SLCO3A1: variants seen among roughly 807,000 people sequenced by gnomAD.
SLCO3A1 encodes the protein PGE1 transporter.
SLCO3A1 carries 27 observed loss-of-function variants against 63.1 expected under a neutral mutation model. The observed-to-expected ratio is 0.43, with a 90% confidence interval of 0.32 to 0.59. The LOEUF (loss-of-function observed/expected upper bound fraction) is 0.59. Ranked by LOEUF, SLCO3A1 falls within the 20% of genes least tolerant of loss-of-function variation. SLCO3A1 has a pLI of 0.09. For synonymous variants in SLCO3A1, 473 were observed against 409.9 expected (o/e 1.15, Z -1.86); for missense variants, 773 against 945.8 (o/e 0.82, Z 2.40).
At chr15:92,130,628 A>C (rs984397915) in intron 7 of SLCO3A1, among the ~76,000 whole-genome samples, 4 of 152,172 alleles carry the variant, frequency 2.6e-5, no homozygotes, top group African/African-American at 7.2e-5. Context: ...TTGCAGCAGC[A>C]GCAGCAGGCT....
At position 91,894,546 on chromosome 15, in the gene SLCO3A1, A is replaced by G. The variant is rs796371003; in HGVS notation, c.181-21447A>G. Among the ~76,000 whole-genome samples, 2 of 152,256 alleles carry G rather than the reference A, an allele frequency of 1.3e-5. No homozygotes were observed. Among genetic ancestry groups the G allele is most frequent in the African/African-American group, 4.8e-5 (2 of 41,544 alleles). On this transcript the variant is annotated intron_variant, in intron 1 of 9. Transcript: ENST00000318445. This position sits in a 1 kb window ranked among gnomAD's most constrained non-coding sequence, Gnocchi z 4.8. ...ATGGGTGGATTAGATGTCTGAAGGC[A>G]GCAGAGGCAATGGAGGAGGGTCCCC...
intron 9 of SLCO3A1, among the ~76,000 whole-genome samples, chr15:92,152,403 C>CTTGGTATA (rs1412978488): frequency 2.6e-5 from 4 of 152,212 alleles, no homozygotes; most frequent in Non-Finnish European, 5.9e-5. Flanking sequence ...ATCCATGTTC[C>CTTGGTATA]TTGGTATATA....
chr15:91,922,035 A>C (rs943550336), intron 2 of SLCO3A1, among the ~76,000 whole-genome samples: 1 of 152,112 alleles, frequency 6.6e-6, no homozygotes, highest in Non-Finnish European at 1.5e-5. Context: ...GCGCCCGGCC[A>C]AGATTTCTCC....
intron 7 of SLCO3A1, among the ~76,000 whole-genome samples, chr15:92,129,037 A>C (rs546513935): frequency 2.0e-5 from 3 of 152,292 alleles, no homozygotes; most frequent in Admixed American, 2.0e-4. Context: ...ATTGGCTGTC[A>C]GCCCACAGCT....
chr15:91,965,266 G>A (rs1192152380), intron 2 of SLCO3A1, among the ~76,000 whole-genome samples: 2 of 152,190 alleles, frequency 1.3e-5, no homozygotes, highest in Non-Finnish European at 2.9e-5. Context: ...GAAACCCAAA[G>A]CCAAGCCCTG....
chr15:92,136,507 C>G (rs2048059347), intron 7 of SLCO3A1, among the ~76,000 whole-genome samples: 1 of 152,148 alleles, frequency 6.6e-6, no homozygotes, highest in East Asian at 1.9e-4. Context: ...TTTGTGGTCT[C>G]TAGCCTTCTT....
In SLCO3A1 at chr15:91,889,045, A is replaced by AC. The variant is rs1416133262; in HGVS notation, c.181-26946dup. Reference sequence around the variant, plus strand: ...AGAAAAGAAAAACCAAAAAAAAAAAACCTACAATTATTACTAGCTAACATA... The same window carrying AC: ...AGAAAAGAAAAACCAAAAAAAAAAAACCCTACAATTATTACTAGCTAACATA... On this transcript the variant is annotated intron_variant, in intron 1 of 9. Coordinates refer to ENST00000318445, the MANE Select transcript of SLCO3A1 (RefSeq NM_013272.4). The AC allele has an allele frequency of 1.3e-4, 90 of 701,332 alleles. 1 individual carries two copies. In the African/African-American group the frequency reaches 1.7e-3, roughly 13 times the overall value. The allele number at this position is 701,332 out of a possible 1,614,324, so 43.4% of individuals were successfully genotyped here. A position where few individuals can be genotyped will look rare whatever the true frequency, so the allele number is the denominator to read the frequency against.
chr15:92,162,563 G>A (rs2151604697), intron 9 of SLCO3A1, 193 bp from the exon 10 acceptor site: 1 of 841,184 alleles, frequency 1.2e-6, no homozygotes, highest in African/African-American at 1.7e-5. Flanking sequence ...TAAATAACTT[G>A]CTCAGATTTG....
intron 2 of SLCO3A1, among the ~76,000 whole-genome samples, chr15:91,926,557 C>CTGTGTGTGTGTGTGTGTGTG (rs1567189095): frequency 2.9e-4 from 16 of 54,378 alleles, no homozygotes; most frequent in African/African-American, 1.5e-3. Flanking sequence ...TCCTGCCAAG[C>CTGTGTGTGTGTGTGTGTGTG]CGTGTGTGTG....
intron 2 of SLCO3A1, among the ~76,000 whole-genome samples, chr15:91,963,589 G>A (rs773613661): frequency 1.3e-5 from 2 of 152,260 alleles, no homozygotes; most frequent in East Asian, 3.9e-4. Flanking sequence ...TCCTTCTGGT[G>A]GGTTCTTGGT....
In SLCO3A1 at chr15:92,033,660, C is replaced by T. The variant is rs2046683846; in HGVS notation, c.647-61221C>T. On this transcript the variant is annotated intron_variant, in intron 2 of 9. Transcript: ENST00000318445. The surrounding 1 kb of genome is among the most constrained non-coding windows in gnomAD (Gnocchi z 4.5). ...CCCTTCCCACTCAGATCACATATTC[C>T]AGTGAGGGAGAGAGACAGTAAACAA... Among the ~76,000 whole-genome samples the T allele has an allele frequency of 1.3e-5, 2 of 152,166 alleles. No individual in the cohort carries two copies. The highest frequency in any genetic ancestry group is 1.3e-4 in the Admixed American group (2 of 15,276).
In SLCO3A1 at chr15:91,860,057, AGT is replaced by A. The variant is rs1897011116; in HGVS notation, c.180+5970_180+5971del. Among the ~76,000 whole-genome samples the A allele has an allele frequency of 6.6e-6, 1 of 152,222 alleles. No homozygotes were observed. Among genetic ancestry groups the A allele is most frequent in the South Asian group, 2.1e-4 (1 of 4,834 alleles). On this transcript the variant is annotated intron_variant, in intron 1 of 9. Coordinates refer to ENST00000318445, the MANE Select transcript of SLCO3A1 (RefSeq NM_013272.4). The surrounding 1 kb of genome is among the most constrained non-coding windows in gnomAD (Gnocchi z 5.5). Reference sequence around the variant, plus strand: ...TCATCTTAAAGATGCTATAAAAATTAGTCACATGGGAGAGGAGCCCACTGCAG... The same window carrying A: ...TCATCTTAAAGATGCTATAAAAATTACACATGGGAGAGGAGCCCACTGCAG...
intron 2 of SLCO3A1, among the ~76,000 whole-genome samples, chr15:91,981,760 C>A (rs1329130428): frequency 1.3e-5 from 2 of 152,182 alleles, no homozygotes; most frequent in Non-Finnish European, 2.9e-5. Context: ...TGTCACAGAT[C>A]CCCCTGCCAC....
intron 4 of SLCO3A1, among the ~76,000 whole-genome samples, chr15:92,113,957 G>A (rs1239805876): frequency 6.6e-6 from 1 of 152,228 alleles, no homozygotes; most frequent in Non-Finnish European, 1.5e-5. Flanking sequence ...GATTCTGTGA[G>A]TAGAGAAGGG....
chr15:92,030,694 C>T (rs1258205075), intron 2 of SLCO3A1, among the ~76,000 whole-genome samples: 1 of 152,154 alleles, frequency 6.6e-6, no homozygotes, highest in Non-Finnish European at 1.5e-5. Context: ...GAGCAACATG[C>T]TCTAGGTCCC....
intron 2 of SLCO3A1, among the ~76,000 whole-genome samples, chr15:92,034,146 G>T (rs556392672): frequency 6.6e-6 from 1 of 151,788 alleles, no homozygotes; most frequent in Admixed American, 6.6e-5. Flanking sequence ...GAGGAGGAAA[G>T]TGGGGGCTGT....
At chr15:91,958,566 G>C (rs1216949807) in intron 2 of SLCO3A1, among the ~76,000 whole-genome samples, 3 of 152,208 alleles carry the variant, frequency 2.0e-5, no homozygotes, top group African/African-American at 7.2e-5. Flanking sequence ...TGGAGGAATG[G>C]AGGTTTGGGT....
intron 2 of SLCO3A1, among the ~76,000 whole-genome samples, chr15:91,947,364 C>T (rs1470665912): frequency 1.3e-5 from 2 of 152,300 alleles, no homozygotes; most frequent in Middle Eastern, 3.4e-3. Flanking sequence ...AGGCCTTTCC[C>T]GAACAAGCTC....
chr15:91,880,150 C>CT (rs1897526327), intron 1 of SLCO3A1, among the ~76,000 whole-genome samples: 24 of 144,090 alleles, frequency 1.7e-4, no homozygotes, highest in African/African-American at 4.4e-4. Flanking sequence ...TCCATCCATC[C>CT]ATCCATCCAT....
Sources: gnomAD v4.1 joint callset for allele counts (sites outside exome capture counted in the v4.1 genomes callset) on GRCh38, gnomAD v4.1.1 for gene constraint, Gnocchi (gnomAD v3.1) non-coding constraint, MANE v1.5 for transcripts, NCBI Gene and HGNC (gene_info 2026-07-23, HGNC 2026-07-21) for gene names.